The following HGF variants were observed in gnomAD, a reference collection of about 807,000 sequenced individuals.
HGF encodes the protein hepatocyte growth factor.
HGF carries 39 observed loss-of-function variants against 111.6 expected under a neutral mutation model. The ratio of observed to expected loss-of-function variants is 0.35; its 90% confidence interval spans 0.27 to 0.46. HGF has a LOEUF of 0.46. Among genes scored for constraint, HGF ranks in the 20% least tolerant of loss-of-function variants. HGF has a pLI of 1.00. For missense variants in HGF, 735 were observed against 910.5 expected (o/e 0.81, Z 2.48); for synonymous variants, 285 against 294.8 (o/e 0.97, Z 0.34).
rs1214775605 is a variant in HGF at position 81,706,360 on chromosome 7, T to G, written c.1684A>C (p.Lys562Gln). ...DVHGRGDEKC[K>Q]QVLNVSQLVY... ...AGCTGGGAAACATTGAGAACCTGTT[T>G]GCATTTCTCATCTCCTCTTCCGTGG... The change falls in exon 15 of 18, where the codon AAA (lysine) becomes CAA (glutamine). Residue 562 changes from lysine to glutamine, a missense_variant. By Grantham distance (53) the Lys-to-Gln change is moderately conservative. This residue lies in a region of HGF where 130 missense variants were observed against 129.9 expected (regional missense o/e 1.00). Transcript: ENST00000222390. 6.2e-7 allele frequency: 1 copy of G among 1,610,540 alleles called. No individual in the cohort carries two copies. Among genetic ancestry groups the G allele is most frequent in the Non-Finnish European group, 8.5e-7 (1 of 1,176,952 alleles).
chr7:81,714,153 C>T (rs986191792), intron 11 of HGF, among the ~76,000 whole-genome samples: 2 of 151,858 alleles, frequency 1.3e-5, no homozygotes, highest in South Asian at 2.1e-4. Context: ...ATGAAGAAAT[C>T]GATGTTCACA....
In HGF at chr7:81,715,574, C is replaced by A. The variant is rs1412008917; in HGVS notation, c.1405+1658G>T. Among the ~76,000 whole-genome samples the A allele has an allele frequency of 2.0e-5, 3 of 151,994 alleles. No homozygotes were observed. The East Asian group carries it at 5.8e-4, about 29-fold the overall frequency. ...ATATATTTAGTTATTTATTATTATA[C>A]AGAGTTTCCCAACCTATTAAAAATA... On this transcript the variant is annotated intron_variant, in intron 11 of 17. Transcript: ENST00000222390.
chr7:81,750,270 A>G (rs893179639), intron 5 of HGF, among the ~76,000 whole-genome samples: 8 of 152,204 alleles, frequency 5.3e-5, no homozygotes. Context: ...AAAATATCAC[A>G]GTTTAACTCA....
chr7:81,747,168 C>A (rs1239095793), intron 5 of HGF, among the ~76,000 whole-genome samples: 1 of 152,080 alleles, frequency 6.6e-6, no homozygotes, highest in Admixed American at 6.6e-5. Flanking sequence ...GAAACCCCGT[C>A]TCTACTAAAA....
At chr7:81,767,203 G>A (rs1789401038) in intron 1 of HGF, among the ~76,000 whole-genome samples, 1 of 150,596 alleles carries the variant, frequency 6.6e-6, no homozygotes, top group Non-Finnish European at 1.5e-5. Context: ...TTCTAACAGG[G>A]TTTTTTGAAA....
At chr7:81,723,792 A>T (rs973130275) in intron 9 of HGF, among the ~76,000 whole-genome samples, 1 of 149,854 alleles carries the variant, frequency 6.7e-6, no homozygotes, top group East Asian at 2.0e-4. Flanking sequence ...AACATCTTTC[A>T]TATATATATA....
chr7:81,703,640 C>T (rs1789346048), intron 17 of HGF, among the ~76,000 whole-genome samples: 1 of 151,138 alleles, frequency 6.6e-6, no homozygotes, highest in Non-Finnish European at 1.5e-5. Context: ...ACAACTACAA[C>T]TGTGCTGCAC....
chr7:81,767,400 G>A (rs749843061), intron 1 of HGF, among the ~76,000 whole-genome samples: 3 of 152,084 alleles, frequency 2.0e-5, no homozygotes, highest in African/African-American at 7.2e-5. Flanking sequence ...CTTTGAACCG[G>A]CTAAATGAGT....
Position 81,729,697 on chromosome 7 carries a change from A to C in HGF, c.948T>G (p.Thr316=), listed in dbSNP as rs770323794. The C allele has an allele frequency of 6.2e-6, 10 of 1,613,612 alleles. No homozygotes were observed. The highest frequency in any genetic ancestry group is 1.3e-5 in the African/African-American group (1 of 74,924). ...GAATTCCATTCCAAATGGTATTGAC[A>C]GTGCCCCTGTAGCCTTCTCCTTGAC... ...IQGQGEGYRG[T]VNTIWNGIPC... is the part of the protein sequence containing the mutation. The change falls in exon 8 of 18, where the codon ACT becomes ACG. Residue 316 remains threonine, a synonymous_variant. Transcript: ENST00000222390.
chr7:81,734,037 G>A (rs1160062521), intron 7 of HGF, among the ~76,000 whole-genome samples: 1 of 152,072 alleles, frequency 6.6e-6, no homozygotes, highest in Non-Finnish European at 1.5e-5. Flanking sequence ...GTAAGGGAGG[G>A]TTTTGAAAAG....
chr7:81,717,122 C>T, intron 11 of HGF, 110 bp downstream of exon 11: 1 of 1,028,874 alleles, frequency 9.7e-7, no homozygotes, highest in East Asian at 2.4e-5. Flanking sequence ...CTCTGGAGAG[C>T]TTCCTCATTT....
rs1404924086 is a variant in HGF at position 81,744,988 on chromosome 7, T to G, written c.746+12A>C. On this transcript the variant is annotated intron_variant, in intron 6 of 17. Transcript: ENST00000222390. ...AAAGAATCACTGAAAGCATGATTCA[T>G]TAATATTTTACCTTTCAGGCAAGAA... 1 of 1,613,584 alleles carries G rather than the reference T, an allele frequency of 6.2e-7. No homozygotes were observed. The highest frequency in any genetic ancestry group is 8.5e-7 in the Non-Finnish European group (1 of 1,179,782).
chr7:81,747,936 A>G (rs541547806), intron 5 of HGF, among the ~76,000 whole-genome samples: 5 of 152,234 alleles, frequency 3.3e-5, no homozygotes, highest in African/African-American at 1.2e-4. Flanking sequence ...ACTCTGTCTA[A>G]AAAACAAAAA....
chr7:81,743,956 T>C (rs1299776674), intron 6 of HGF, among the ~76,000 whole-genome samples: 1 of 152,180 alleles, frequency 6.6e-6, no homozygotes, highest in Admixed American at 6.5e-5. Flanking sequence ...TTCATCACAC[T>C]ACTTTCTCCA....
At chr7:81,738,062 C>G (rs1787892698) in intron 7 of HGF, among the ~76,000 whole-genome samples, 1 of 152,026 alleles carries the variant, frequency 6.6e-6, no homozygotes. Context: ...GAACAATAGA[C>G]TGGGGCCCAC....
chr7:81,706,551 G>T, intron 14 of HGF, 124 bp from the exon 15 acceptor site: 1 of 740,166 alleles, frequency 1.4e-6, no homozygotes, highest in South Asian at 1.7e-5. Flanking sequence ...TTGATTCATA[G>T]TATAATAAAG....
chr7:81,768,043 C>A (rs1295247458), intron 1 of HGF, among the ~76,000 whole-genome samples: 1 of 152,200 alleles, frequency 6.6e-6, no homozygotes, highest in Non-Finnish European at 1.5e-5. Context: ...CAACTGGACT[C>A]TCCTTGCCTG....
intron 15 of HGF, 138 bp from the exon 16 acceptor site, chr7:81,705,891 G>C (rs1789412546): frequency 1.5e-6 from 1 of 651,612 alleles, no homozygotes; most frequent in African/African-American, 1.8e-5. Flanking sequence ...AAAAAAAGGT[G>C]GGAATGTCCA....
At chr7:81,707,529 T>C (rs1789460448) in intron 13 of HGF, among the ~76,000 whole-genome samples, 165 bp from the exon 14 acceptor site, 1 of 152,004 alleles carries the variant, frequency 6.6e-6, no homozygotes, top group African/African-American at 2.4e-5. Context: ...ATCTGAAGGG[T>C]GATATTTGGT....
Sources: allele counts gnomAD v4.1 joint callset (sites outside exome capture counted in the v4.1 genomes callset), GRCh38; gene constraint gnomAD v4.1.1; regional missense constraint gnomAD v4.1.1; transcripts MANE v1.5; gene names NCBI Gene and HGNC (gene_info 2026-07-23, HGNC 2026-07-21).